Variants in CCDC141 observed in about 807,000 individuals in gnomAD.
CCDC141 encodes the protein coiled-coil domain containing 141, also known as coiled-coil domain-containing protein 141.
CCDC141 carries 168 observed loss-of-function variants against 181.0 expected under a neutral mutation model. The observed-to-expected ratio is 0.93, with a 90% CI of 0.82 to 1.05. The LOEUF is 1.05. Ranked by LOEUF, CCDC141 falls within the 50% of genes least tolerant of loss-of-function variation. The pLI is 0.00. For synonymous variants in CCDC141, 666 were observed against 642.3 expected, an observed-to-expected ratio of 1.04 and a Z score of -0.56; for missense variants, 1,902 against 1,788.5, an observed-to-expected ratio of 1.06 and a Z score of -1.14.
intron 4 of CCDC141, among the ~76,000 whole-genome samples, chr2:178,974,007 A>G (rs1458843623): frequency 6.6e-6 from 1 of 152,216 alleles, no homozygotes; most frequent in Non-Finnish European, 1.5e-5. Flanking sequence ...AACAATAATC[A>G]GTGGAAATTA....
At chr2:179,037,373 A>T (rs2592563) in intron 2 of CCDC141, among the ~76,000 whole-genome samples, 97,982 of 152,124 alleles carry the variant, frequency 0.64, 32,890 homozygotes, top group East Asian at 0.77. Context: ...AAGCATTTAG[A>T]GAAAAACACT....
At chr2:178,995,543 C>T (rs557958108) in intron 2 of CCDC141, among the ~76,000 whole-genome samples, 1 of 152,210 alleles carries the variant, frequency 6.6e-6, no homozygotes, top group Admixed American at 6.5e-5. Flanking sequence ...CCTTTATTGG[C>T]ACATTATGTC....
At chr2:179,013,136 A>C (rs758309646) in intron 2 of CCDC141, among the ~76,000 whole-genome samples, 16 of 152,142 alleles carry the variant, frequency 1.1e-4, no homozygotes, top group Non-Finnish European at 2.4e-4. Context: ...CAAGAGAAAG[A>C]AATAAAGGGC....
At chr2:178,991,920 G>T (rs1383416345) in intron 2 of CCDC141, among the ~76,000 whole-genome samples, 1 of 151,802 alleles carries the variant, frequency 6.6e-6, no homozygotes, top group Non-Finnish European at 1.5e-5. Context: ...ACAAAAACGG[G>T]GATAAAATGG....
At chr2:178,950,820 G>A (rs190006020) in intron 5 of CCDC141, among the ~76,000 whole-genome samples, 1 of 152,230 alleles carries the variant, frequency 6.6e-6, no homozygotes, top group African/African-American at 2.4e-5. Context: ...GTTACTTTAT[G>A]AACAGCTTTA....
At chr2:178,946,324 T>TAAAA (rs924400665) in intron 5 of CCDC141, among the ~76,000 whole-genome samples, 11 of 152,186 alleles carry the variant, frequency 7.2e-5, no homozygotes, top group African/African-American at 1.9e-4. Flanking sequence ...TCAACAGCTA[T>TAAAA]AAAATTTATT....
intron 22 of CCDC141, among the ~76,000 whole-genome samples, chr2:178,839,491 C>G (rs1192662487): frequency 2.2e-5 from 3 of 139,028 alleles, no homozygotes; most frequent in African/African-American, 8.0e-5. Context: ...GCAGGAGAAT[C>G]TCTTGAACTC....
In CCDC141 at chr2:178,904,515, G is replaced by C. The variant is rs530898580; in HGVS notation, c.1265+814C>G. 1.1e-3 allele frequency among the ~76,000 whole-genome samples: 165 copies of C among 152,266 alleles called. 1 individual carries two copies. Among genetic ancestry groups the C allele is most frequent in the African/African-American group, 3.7e-3 (155 of 41,546 alleles). ...CACCTATTTCATGGTTCTTCAAATT[G>C]AATGTCTTTGAGGTTTCAAGGAGAT... On this transcript the variant is annotated intron_variant, in intron 8 of 23. Coordinates refer to ENST00000443758, the MANE Select transcript of CCDC141 (RefSeq NM_173648.4).
intron 11 of CCDC141, among the ~76,000 whole-genome samples, chr2:178,881,782 T>C (rs774998691): frequency 2.6e-5 from 4 of 151,922 alleles, no homozygotes; most frequent in Non-Finnish European, 5.9e-5. Context: ...TAGTCCCAGC[T>C]ACCTGGGAGG....
chr2:178,960,080 CA>C (rs1178334304), intron 5 of CCDC141, among the ~76,000 whole-genome samples: 1 of 152,124 alleles, frequency 6.6e-6, no homozygotes, highest in Non-Finnish European at 1.5e-5. Context: ...TGATAGAGGC[CA>C]GCAATGCTGC....
At chr2:178,840,824 A>G (rs1684687684) in intron 22 of CCDC141, among the ~76,000 whole-genome samples, 1 of 152,202 alleles carries the variant, frequency 6.6e-6, no homozygotes, top group African/African-American at 2.4e-5. Context: ...TTCACTTCTA[A>G]CAATTCCTAA....
chr2:179,009,023 C>G (rs1345584799), intron 2 of CCDC141, among the ~76,000 whole-genome samples: 1 of 152,114 alleles, frequency 6.6e-6, no homozygotes, highest in Non-Finnish European at 1.5e-5. Context: ...TCTTTTTATC[C>G]CTAGCACATG....
rs771909791 is a variant in CCDC141 at position 178,837,625 on chromosome 2, T to C, written c.3594A>G (p.Glu1198=). 2.2e-5 allele frequency: 35 copies of C among 1,613,910 alleles called. No homozygotes were observed. In the Middle Eastern group the frequency reaches 6.6e-4, roughly 30 times the overall value. The change falls in exon 23 of 24, where the codon GAA becomes GAG. Residue 1198 remains glutamate (E), a synonymous_variant. Coordinates refer to ENST00000443758, the MANE Select transcript of CCDC141 (RefSeq NM_173648.4). Reference sequence around the variant, plus strand: ...CATATTCTTCCCCTGAGAGCATGTCTTCAGGCAGGAGCAGGTCCTGGACGC... The same window carrying C: ...CATATTCTTCCCCTGAGAGCATGTCCTCAGGCAGGAGCAGGTCCTGGACGC... ...EGGVQDLLLP[E]DMLSGEEYEC... is the part of the protein sequence containing the mutation.
chr2:178,959,304 T>TAAAAATA (rs1278890792), intron 5 of CCDC141, among the ~76,000 whole-genome samples: 2 of 145,744 alleles, frequency 1.4e-5, no homozygotes, highest in African/African-American at 5.1e-5. Flanking sequence ...ATTAAAAAAA[T>TAAAAATA]AAAAATAAAA....
chr2:178,990,022 C>T (rs1416076262), intron 2 of CCDC141, among the ~76,000 whole-genome samples: 2 of 151,136 alleles, frequency 1.3e-5, no homozygotes, highest in African/African-American at 4.9e-5. Flanking sequence ...GCCTGTAATC[C>T]CAGCTACTCG....
chr2:178,828,839 A>T (rs1684166331), downstream of CCDC141, among the ~76,000 whole-genome samples: 1 of 152,288 alleles, frequency 6.6e-6, no homozygotes, highest in South Asian at 2.1e-4. Flanking sequence ...TGATTTTTTT[A>T]TACTCAAAAG....
intron 2 of CCDC141, among the ~76,000 whole-genome samples, chr2:179,040,143 T>C (rs2043255831): frequency 6.6e-6 from 1 of 152,186 alleles, no homozygotes; most frequent in Non-Finnish European, 1.5e-5. Flanking sequence ...CCTCATTTTC[T>C]TAGACCCATG....
chr2:178,897,126 C>T (rs937595908), intron 8 of CCDC141, among the ~76,000 whole-genome samples: 3 of 152,028 alleles, frequency 2.0e-5, no homozygotes, highest in Non-Finnish European at 4.4e-5. Flanking sequence ...CCTGCTCAGT[C>T]ACTCTATCTC....
intron 2 of CCDC141, among the ~76,000 whole-genome samples, chr2:179,042,932 A>G (rs938021629): frequency 9.9e-5 from 15 of 152,100 alleles, no homozygotes; most frequent in African/African-American, 3.6e-4. Flanking sequence ...CCTAAAAGCT[A>G]GCTTTTTGAA....
Sources: gnomAD v4.1 joint callset for allele counts (sites outside exome capture counted in the v4.1 genomes callset) on GRCh38, gnomAD v4.1.1 for gene constraint, MANE v1.5 for transcripts, NCBI Gene and HGNC (gene_info 2026-07-23, HGNC 2026-07-21) for gene names.